The following TOP3A variants were observed in gnomAD, a reference collection of about 807,000 sequenced individuals.
TOP3A encodes the protein DNA topoisomerase 3-alpha.
In TOP3A, 64 loss-of-function variants were observed where a neutral mutation model predicts 111.3. The ratio of observed to expected loss-of-function variants is 0.57; its 90% CI spans 0.47 to 0.71. The LOEUF (loss-of-function observed/expected upper bound fraction) is 0.71, where lower values mean the gene tolerates loss of function less well. Among genes scored for constraint, TOP3A ranks in the 30% least tolerant of loss-of-function variants. TOP3A has a pLI of 0.00. For missense variants in TOP3A, 1,104 were observed against 1,285.0 expected (o/e 0.86, Z 2.15); for synonymous variants, 484 against 485.1 (o/e 1.00, Z 0.03).
intron 18 of TOP3A, among the ~76,000 whole-genome samples, chr17:18,276,820 C>T (rs914866708): frequency 1.3e-5 from 2 of 152,158 alleles, no homozygotes; most frequent in Non-Finnish European, 2.9e-5. Context: ...ACCCAGTTCC[C>T]GGACATTGGC....
rs934894736 is a variant in TOP3A, at chr17:18,314,854, C to G, written c.-76G>C. The G allele has an allele frequency of 1.7e-6, 2 of 1,200,762 alleles. No homozygotes were observed. Among genetic ancestry groups the G allele is most frequent in the Admixed American group, 3.3e-5 (1 of 29,954 alleles). The allele number at this position is 1,200,762 out of a possible 1,614,324, so 74.4% of individuals were successfully genotyped here. On this transcript the variant is annotated 5_prime_UTR_variant, in exon 1 of 19. Transcript: ENST00000321105. ...GAAGCCAGAGATGAGGCTCAAATGG[C>G]GCCCACCGAAAGGGAACCAGAGCCT...
Position 18,274,679 on chromosome 17 carries a change from C to A in TOP3A, c.*123G>T. The A allele has an allele frequency of 6.8e-7, 1 of 1,470,440 alleles. No homozygotes were observed. The highest frequency in any genetic ancestry group is 2.3e-5 in the East Asian group (1 of 43,022). 91.1% of individuals were successfully genotyped at this position (1,470,440 alleles called of 1,614,324 possible). On this transcript the variant is annotated 3_prime_UTR_variant, in exon 19 of 19. Transcript: ENST00000321105. Reference sequence around the variant, plus strand: ...CCCTTAACACAAGAAGGCCCGACTCCAAAGGCCAACACTGTCCTCTAAGTT... The same window carrying A: ...CCCTTAACACAAGAAGGCCCGACTCAAAAGGCCAACACTGTCCTCTAAGTT...
intron 13 of TOP3A, among the ~76,000 whole-genome samples, chr17:18,287,284 A>C (rs1472808174): frequency 1.3e-5 from 2 of 152,140 alleles, no homozygotes; most frequent in East Asian, 3.9e-4. Flanking sequence ...CTATAATCCC[A>C]GCACTTTGGG....
chr17:18,281,551 C>G (rs766874569), intron 16 of TOP3A, among the ~76,000 whole-genome samples: 9 of 152,184 alleles, frequency 5.9e-5, no homozygotes, highest in Non-Finnish European at 8.8e-5. Context: ...CTACCGATAG[C>G]AAGGAAAACC....
chr17:18,308,462 T>C (rs1020995972), intron 2 of TOP3A, 38 bp from the exon 3 acceptor site: 4 of 1,432,974 alleles, frequency 2.8e-6, no homozygotes, highest in African/African-American at 1.4e-5. Context: ...GTTAGTCTTT[T>C]TGCAGTTATT....
At chr17:18,313,560 C>G (rs1982043968) in intron 1 of TOP3A, 1 of 138,116 alleles carries the variant, frequency 7.2e-6, no homozygotes, top group African/African-American at 2.9e-5. Flanking sequence ...AAATACAAGA[C>G]CTCTGGATTG....
intron 15 of TOP3A, among the ~76,000 whole-genome samples, chr17:18,284,250 G>A (rs57476545): frequency 0.11 from 16,861 of 150,542 alleles, 1,050 homozygotes; most frequent in South Asian, 0.18. Flanking sequence ...CTGACCTTGT[G>A]ATCTACCCGC....
Position 18,314,872 on chromosome 17 carries a change from C to G in TOP3A, c.-94G>C. 1.2e-6 allele frequency: 1 copy of G among 802,544 alleles called. No homozygotes were observed. The highest frequency in any genetic ancestry group is 1.8e-6 in the Non-Finnish European group (1 of 556,768). The allele number at this position is 802,544 out of a possible 1,614,324, so 49.7% of individuals were successfully genotyped here. On this transcript the variant is annotated 5_prime_UTR_variant, in exon 1 of 19. Transcript: ENST00000321105. ...CAAATGGCGCCCACCGAAAGGGAAC[C>G]AGAGCCTCGCTTCGGTCACGTCCCC... is the stretch of plus-strand genomic sequence containing the variant.
At position 18,304,214 on chromosome 17, in the gene TOP3A, C is replaced by T. The variant is rs555447777; in HGVS notation, c.499+898G>A. On this transcript the variant is annotated intron_variant, in intron 5 of 18. Coordinates refer to ENST00000321105, the MANE Select transcript of TOP3A (RefSeq NM_004618.5). ...ACCTGACCTCAGGAGATCCACCTGC[C>T]TCAGCCTCCCAAAGTGCTGGGATTA... Among the ~76,000 whole-genome samples the T allele has an allele frequency of 1.3e-3, 204 of 152,308 alleles. 4 individuals are homozygous for T. The highest frequency in any genetic ancestry group is 3.2e-4 in the Non-Finnish European group (22 of 68,016).
intron 9 of TOP3A, 123 bp downstream of exon 9, chr17:18,299,436 T>A: frequency 1.2e-6 from 1 of 856,742 alleles, no homozygotes; most frequent in Non-Finnish European, 2.0e-6. Context: ...CTCCAGTGTT[T>A]TCTTGTGTGG....
At chr17:18,298,432 G>C (rs1287768877) in intron 9 of TOP3A, among the ~76,000 whole-genome samples, 3 of 148,210 alleles carry the variant, frequency 2.0e-5, no homozygotes, top group Non-Finnish European at 4.5e-5. Context: ...AGGGAGGTGG[G>C]GGGGTCAGCC....
rs771904370 is a variant in TOP3A, at chr17:18,274,164, T to G, written c.*638A>C. On this transcript the variant is annotated 3_prime_UTR_variant, in exon 19 of 19. Coordinates refer to ENST00000321105, the MANE Select transcript of TOP3A (RefSeq NM_004618.5). Reference sequence around the variant, plus strand: ...GTTGCCCTGGCTGGTCTCGAACTCCTGAGCTCAGGCAATCCGCCCCCCACA... The same window carrying G: ...GTTGCCCTGGCTGGTCTCGAACTCCGGAGCTCAGGCAATCCGCCCCCCACA... The G allele has an allele frequency of 1.3e-5, 2 of 152,426 alleles. No individual in the cohort carries two copies. The highest frequency in any genetic ancestry group is 2.9e-5 in the Non-Finnish European group (2 of 68,240). 9.4% of individuals were successfully genotyped at this position (152,426 alleles called of 1,614,324 possible). A position where few individuals can be genotyped will look rare whatever the true frequency, so the allele number is the denominator to read the frequency against.
At chr17:18,311,750 T>G (rs904066421) in intron 1 of TOP3A, among the ~76,000 whole-genome samples, 3 of 152,242 alleles carry the variant, frequency 2.0e-5, no homozygotes, top group African/African-American at 7.2e-5. Flanking sequence ...ATCCCATTAT[T>G]TAACTGTAAC....
intron 1 of TOP3A, among the ~76,000 whole-genome samples, chr17:18,309,227 A>C (rs1386609281): frequency 1.3e-5 from 2 of 152,224 alleles, no homozygotes. Flanking sequence ...TAAAATAACA[A>C]GTGTTGTTGA....
rs750791525 is a variant in TOP3A at position 18,301,891 on chromosome 17, A to G, written c.909T>C (p.Cys303=). The G allele has an allele frequency of 2.0e-5, 32 of 1,613,868 alleles. No homozygotes were observed. Among genetic ancestry groups the G allele is most frequent in the Non-Finnish European group, 2.6e-5 (31 of 1,179,916 alleles). ...GATCATTAGGGGTTCTTACCTCCACACACAACTGATAGAGAACTAGGCAAG... is the reference window on the plus strand; with the variant it reads ...GATCATTAGGGGTTCTTACCTCCACGCACAACTGATAGAGAACTAGGCAAG... ...HTACLVLYQL[C]VEDPMATVVE... Residue 303 remains cysteine, a synonymous_variant, in exon 8 of 19, where the codon TGT becomes TGC. Transcript: ENST00000321105.
At position 18,277,777 on chromosome 17, in the gene TOP3A, G is replaced by C. The variant is rs1235714900; in HGVS notation, c.2725C>G (p.Gln909Glu). Residue 909 changes from glutamine to glutamate, a missense_variant, in exon 18 of 19, where the codon CAG (glutamine) becomes GAG (glutamate). Coordinates refer to ENST00000321105, the MANE Select transcript of TOP3A (RefSeq NM_004618.5). ...CSQPSVTRTV[Q>E]KDGPNKGRQF... ...CGCCCCTTGTTGGGTCCATCCTTCT[G>C]CACAGTCCGTGTGACGGAGGGCTGG... 1.2e-6 allele frequency: 2 copies of C among 1,614,084 alleles called. No individual in the cohort carries two copies. The highest frequency in any genetic ancestry group is 2.7e-5 in the African/African-American group (2 of 74,940).
In TOP3A at chr17:18,277,998, A is replaced by T; in HGVS notation, c.2504T>A (p.Phe835Tyr). ...RKEGPNRGRQ[F>Y]FKCNGGSCNF... is the part of the protein sequence containing the mutation. ...GCAGCTACCTCCGTTGCACTTAAAG[A>T]ACTGCCGGCCCCGGTTGGGGCCCTC... The change falls in exon 18 of 19, where the codon TTC becomes TAC. Residue 835 changes from phenylalanine (F) to tyrosine (Y), a missense_variant. Transcript: ENST00000321105. 1 of 1,614,100 alleles carries T rather than the reference A, an allele frequency of 6.2e-7. No homozygotes were observed. Among genetic ancestry groups the T allele is most frequent in the Non-Finnish European group, 8.5e-7 (1 of 1,180,036 alleles).
At position 18,290,645 on chromosome 17, in the gene TOP3A, G is replaced by C. The variant is rs370346946; in HGVS notation, c.1509C>G (p.Ser503Arg). Residue 503 changes from serine to arginine, a missense_variant, in exon 13 of 19, where the codon AGC becomes AGG. Coordinates refer to ENST00000321105, the MANE Select transcript of TOP3A (RefSeq NM_004618.5). ...TCTCCCCGTCCACCATCTCCACGGT[G>C]CTGGGCTGAAAGTGGGATCCTTGCT... is the stretch of plus-strand genomic sequence containing the variant. ...VYEQGSHFQP[S>R]TVEMVDGETS... The C allele has an allele frequency of 5.6e-6, 9 of 1,610,118 alleles. No individual in the cohort carries two copies. Among genetic ancestry groups the C allele is most frequent in the African/African-American group, 1.3e-5 (1 of 74,846 alleles).
At chr17:18,281,989 C>T (rs1039047461) in intron 16 of TOP3A, among the ~76,000 whole-genome samples, 2 of 152,182 alleles carry the variant, frequency 1.3e-5, no homozygotes, top group Non-Finnish European at 2.9e-5. Context: ...CCCTGCATTA[C>T]ACCAGTGAGG....
Sources: allele counts gnomAD v4.1 joint callset (sites outside exome capture counted in the v4.1 genomes callset), GRCh38; gene constraint gnomAD v4.1.1; transcripts MANE v1.5; gene names NCBI Gene and HGNC (gene_info 2026-07-23, HGNC 2026-07-21).